COPG1: variants seen among roughly 807,000 people sequenced by gnomAD.
The protein encoded by COPG1 is coat protein complex I subunit gamma 1.
A neutral mutation model predicts 102.8 loss-of-function variants in COPG1; 29 were observed. The ratio of observed to expected loss-of-function variants is 0.28; its 90% CI spans 0.21 to 0.38. COPG1 has a LOEUF of 0.38. Among genes scored for constraint, COPG1 ranks in the 10% least tolerant of loss-of-function variants. The pLI is 1.00. For missense variants in COPG1, 875 were observed against 1,132.7 expected, an observed-to-expected ratio of 0.77 and a Z score of 3.27; for synonymous variants, 406 against 421.6, an observed-to-expected ratio of 0.96 and a Z score of 0.45.
In COPG1 at chr3:129,260,337, C is replaced by T; in HGVS notation, c.876C>T (p.Leu292=). The change falls in exon 11 of 24, where the codon CTC becomes CTT. Residue 292 remains leucine, a synonymous_variant. Transcript: ENST00000314797. ...AKELAPAVSV[L]QLFCSSPKAA... ...GTGGCATCCATCTCCCCACAGTGCT[C>T]CAGCTTTTCTGCAGCTCACCCAAGG... 1.2e-6 allele frequency: 2 copies of T among 1,614,102 alleles called. No individual in the cohort carries two copies. The highest frequency in any genetic ancestry group is 1.7e-6 in the Non-Finnish European group (2 of 1,179,988).
At chr3:129,272,728 G>T in intron 20 of COPG1, 79 bp from the exon 21 acceptor site, 1 of 860,910 alleles carries the variant, frequency 1.2e-6, no homozygotes. Flanking sequence ...TGTGACCCCT[G>T]CCTGCTTGTC....
chr3:129,263,952 A>C lies in COPG1; in HGVS notation c.1177A>C (p.Lys393Gln). 3 of 1,614,136 alleles carry C rather than the reference A, an allele frequency of 1.9e-6. No homozygotes were observed. Among genetic ancestry groups the C allele is most frequent in the Non-Finnish European group, 2.5e-6 (3 of 1,180,012 alleles). ...ISALCQKYPR[K>Q]HAVLMNFLFT... ...TGCCCTGTGTCAGAAATATCCTCGC[A>C]AACACGCCGTCCTTATGAACTTCCT... is the stretch of plus-strand genomic sequence containing the variant. The change falls in exon 13 of 24, where the codon AAA (lysine) becomes CAA (glutamine). Residue 393 changes from lysine (K) to glutamine (Q), a missense_variant. Coordinates refer to ENST00000314797, the MANE Select transcript of COPG1 (RefSeq NM_016128.4).
intron 14 of COPG1, among the ~76,000 whole-genome samples, chr3:129,266,753 T>C (rs1940068173): frequency 6.6e-6 from 1 of 152,200 alleles, no homozygotes; most frequent in Non-Finnish European, 1.5e-5. Flanking sequence ...TCATGGTTAA[T>C]TTGAAATTAG....
At chr3:129,259,191 G>A (rs1282227644) in intron 10 of COPG1, among the ~76,000 whole-genome samples, 2 of 152,084 alleles carry the variant, frequency 1.3e-5, no homozygotes, top group Non-Finnish European at 2.9e-5. Context: ...TGCTGGGCAC[G>A]GTGGCTCACG....
At chr3:129,272,028 A>G (rs1940191244) in intron 19 of COPG1, 119 bp downstream of exon 19, 1 of 1,217,960 alleles carries the variant, frequency 8.2e-7, no homozygotes, top group Admixed American at 2.4e-5. Flanking sequence ...CAACTTGATG[A>G]CAGAATCTGT....
intron 10 of COPG1, 110 bp from the exon 11 acceptor site, chr3:129,260,223 C>A: frequency 1.0e-6 from 1 of 980,022 alleles, no homozygotes; most frequent in Non-Finnish European, 1.6e-6. Context: ...ATGGGGGTGT[C>A]AGCAGGGAAA....
intron 15 of COPG1, chr3:129,267,368 T>C (rs918751189): frequency 5.6e-5 from 17 of 302,204 alleles, no homozygotes; most frequent in Non-Finnish European, 3.8e-5. Context: ...CCGCCTGTAA[T>C]CCCAGCACTT....
Position 129,271,932 on chromosome 3 carries a change from C to T in COPG1, c.1986+23C>T, listed in dbSNP as rs200812456. 4 of 1,612,298 alleles carry T rather than the reference C, an allele frequency of 2.5e-6. No homozygotes were observed. The highest frequency in any genetic ancestry group is 4.5e-5 in the East Asian group (2 of 44,848). ...CAGGTGAGCAAGGTGGGCTGAGGCC[C>T]TGCTGGGGCATGCGCCCAGGGAGTT... is the stretch of plus-strand genomic sequence containing the variant. On this transcript the variant is annotated intron_variant, in intron 19 of 23. Coordinates refer to ENST00000314797, the MANE Select transcript of COPG1 (RefSeq NM_016128.4). The surrounding 1 kb of genome is among the most constrained non-coding windows in gnomAD (Gnocchi z 4.7).
At chr3:129,264,564 C>T (rs1181577787) in intron 13 of COPG1, among the ~76,000 whole-genome samples, 2 of 152,166 alleles carry the variant, frequency 1.3e-5, no homozygotes, top group Non-Finnish European at 2.9e-5. Flanking sequence ...CCTTGAGTGT[C>T]TTTGCGTTTC....
intron 18 of COPG1, among the ~76,000 whole-genome samples, chr3:129,269,332 A>G (rs76657168): frequency 0.022 from 3,275 of 152,262 alleles, 65 homozygotes; most frequent in Middle Eastern, 0.075. Context: ...CTGGGATTCA[A>G]AGACACTGGT....
rs557690481 is a variant in COPG1, at chr3:129,268,183, G to C, written c.1648+143G>C. ...TCATGGCATCATGGTGACCTCAGGA[G>C]GTCCCGGGTCATTCAGGTCACACCT... On this transcript the variant is annotated intron_variant, in intron 16 of 23. Coordinates refer to ENST00000314797, the MANE Select transcript of COPG1 (RefSeq NM_016128.4). 27 of 698,544 alleles carry C rather than the reference G, an allele frequency of 3.9e-5. No individual in the cohort carries two copies. The East Asian group carries it at 7.3e-4, about 19-fold the overall frequency. 43.3% of individuals were successfully genotyped at this position (698,544 alleles called of 1,614,324 possible).
chr3:129,250,835 G>T, intron 2 of COPG1, 101 bp downstream of exon 2: 1 of 1,096,962 alleles, frequency 9.1e-7, no homozygotes. Context: ...AGAGCAACAC[G>T]GGAGAAAACT....
At position 129,265,747 on chromosome 3, in the gene COPG1, T is replaced by G; in HGVS notation, c.1423T>G (p.Phe475Val). The change falls in exon 14 of 24, where the codon TTC (phenylalanine) becomes GTC (valine). Residue 475 changes from phenylalanine (F) to valine (V), a missense_variant. Phe to Val is a conservative substitution (Grantham distance 50, BLOSUM62 -1). Coordinates refer to ENST00000314797, the MANE Select transcript of COPG1 (RefSeq NM_016128.4). ...KTTNPSKYIR[F>V]IYNRVVLEHE... is the part of the protein sequence containing the mutation. ...CACCAATCCCTCAAAGTACATCCGCTTCATCTATAACCGAGTGGTCTTGGA... is the reference window on the plus strand; with the variant it reads ...CACCAATCCCTCAAAGTACATCCGCGTCATCTATAACCGAGTGGTCTTGGA... 1 of 1,614,046 alleles carries G rather than the reference T, an allele frequency of 6.2e-7. No individual in the cohort carries two copies. The highest frequency in any genetic ancestry group is 8.5e-7 in the Non-Finnish European group (1 of 1,180,004).
intron 10 of COPG1, 43 bp downstream of exon 10, chr3:129,257,903 G>T (rs771214360): frequency 3.1e-5 from 50 of 1,603,226 alleles, no homozygotes; most frequent in Non-Finnish European, 7.7e-6. Flanking sequence ...GTTTATGCTT[G>T]CTGGGAACTA....
intron 21 of COPG1, 105 bp from the exon 22 acceptor site, chr3:129,274,733 C>A: frequency 7.5e-7 from 1 of 1,331,962 alleles, no homozygotes; most frequent in Non-Finnish European, 1.1e-6. Flanking sequence ...CAGTGCCGAG[C>A]AAGCACCTGT....
chr3:129,250,909 CTTCTT>C (rs1939680476), intron 2 of COPG1, 175 bp downstream of exon 2: 7 of 220,630 alleles, frequency 3.2e-5, no homozygotes, highest in Non-Finnish European at 4.3e-5. Flanking sequence ...GTTATGCTTA[CTTCTT>C]TTTTTTTTTT....
chr3:129,274,298 T>C (rs1940229706), intron 21 of COPG1, among the ~76,000 whole-genome samples: 2 of 152,186 alleles, frequency 1.3e-5, no homozygotes, highest in Admixed American at 1.3e-4. Context: ...ATGGGGAACC[T>C]TCATGTAGAC....
At chr3:129,257,649 C>G (rs1035528586) in intron 9 of COPG1, 22 bp downstream of exon 9, 1 of 1,614,132 alleles carries the variant, frequency 6.2e-7, no homozygotes, top group Non-Finnish European at 8.5e-7. Flanking sequence ...CATCTCTCAC[C>G]AGCTAGATGA....
rs556813387 is a variant in COPG1, at chr3:129,260,323, C to T, written c.872-10C>T. The T allele has an allele frequency of 2.5e-6, 4 of 1,613,702 alleles. No homozygotes were observed. Among genetic ancestry groups the T allele is most frequent in the East Asian group, 2.2e-5 (1 of 44,880 alleles). On this transcript the variant is annotated splice_polypyrimidine_tract_variant and intron_variant, in intron 10 of 23. Coordinates refer to ENST00000314797, the MANE Select transcript of COPG1 (RefSeq NM_016128.4). ...AGGCAACCTGACATGTGGCATCCAT[C>T]TCCCCACAGTGCTCCAGCTTTTCTG... is the stretch of plus-strand genomic sequence containing the variant.
Sources: gnomAD v4.1 joint callset for allele counts (sites outside exome capture counted in the v4.1 genomes callset) on GRCh38, gnomAD v4.1.1 for gene constraint, Gnocchi (gnomAD v3.1) non-coding constraint, MANE v1.5 for transcripts, NCBI Gene and HGNC (gene_info 2026-07-23, HGNC 2026-07-21) for gene names.